The following CACNA2D1 variants were observed in gnomAD, a reference collection of about 807,000 sequenced individuals.
The protein encoded by CACNA2D1 is calcium voltage-gated channel auxiliary subunit alpha2delta 1, also known as voltage-dependent calcium channel subunit alpha-2/delta-1.
CACNA2D1 carries 53 observed loss-of-function variants against 171.5 expected under a neutral mutation model. That is an observed-to-expected ratio of 0.31 (90% CI 0.25 to 0.39). The LOEUF (loss-of-function observed/expected upper bound fraction) is 0.39. Among genes scored for constraint, CACNA2D1 ranks in the 10% least tolerant of loss-of-function variants. The pLI is 1.00. For missense variants in CACNA2D1, 903 were observed against 1,299.8 expected, an observed-to-expected ratio of 0.69 and a Z score of 4.69; for synonymous variants, 442 against 443.1, an observed-to-expected ratio of 1.00 and a Z score of 0.03.
rs117021153 is a variant in CACNA2D1, at chr7:82,086,867, C to G, written c.527-1967G>C. On this transcript the variant is annotated intron_variant, in intron 6 of 38. Transcript: ENST00000356860. ...CTACTAAGTATTGGGTACTGACACACTGATTGTGAATTATACTTTTATAAA... is the reference window on the plus strand; with the variant it reads ...CTACTAAGTATTGGGTACTGACACAGTGATTGTGAATTATACTTTTATAAA... 1.6e-3 allele frequency among the ~76,000 whole-genome samples: 249 copies of G among 152,206 alleles called. 3 individuals carry two copies. In the East Asian group the frequency reaches 0.019, roughly 11 times the overall value.
chr7:82,332,024 T>A (rs1031979304), intron 3 of CACNA2D1, among the ~76,000 whole-genome samples: 1 of 152,202 alleles, frequency 6.6e-6, no homozygotes, highest in Non-Finnish European at 1.5e-5. Context: ...TTTATCTTCC[T>A]ATGAATTACT....
chr7:81,979,502 T>C (rs1796228792), intron 24 of CACNA2D1, among the ~76,000 whole-genome samples: 1 of 152,196 alleles, frequency 6.6e-6, no homozygotes, highest in African/African-American at 2.4e-5. Context: ...CATAATCTGC[T>C]ACTTAATAAC....
At chr7:82,009,606 C>T (rs1799520488) in intron 15 of CACNA2D1, among the ~76,000 whole-genome samples, 1 of 151,974 alleles carries the variant, frequency 6.6e-6, no homozygotes. Flanking sequence ...TAATCATTTC[C>T]TTTGCATTAC....
At chr7:82,040,941 C>T (rs1371479275) in intron 10 of CACNA2D1, among the ~76,000 whole-genome samples, 2 of 152,042 alleles carry the variant, frequency 1.3e-5, no homozygotes, top group Non-Finnish European at 2.9e-5. Flanking sequence ...CGCCATTGCA[C>T]TCCAGCCTGG....
At chr7:82,106,659 C>A (rs576543063) in intron 6 of CACNA2D1, among the ~76,000 whole-genome samples, 1 of 152,052 alleles carries the variant, frequency 6.6e-6, no homozygotes, top group Middle Eastern at 3.4e-3. Context: ...ACAATATTTT[C>A]TTTAAACATT....
chr7:81,986,782 C>T (rs985142739), intron 21 of CACNA2D1, among the ~76,000 whole-genome samples: 2 of 152,128 alleles, frequency 1.3e-5, no homozygotes, highest in Middle Eastern at 3.4e-3. Flanking sequence ...TAAGTGGAGG[C>T]AGAGATTAAA....
chr7:82,240,508 CA>C (rs2129294104), intron 3 of CACNA2D1, among the ~76,000 whole-genome samples: 1 of 152,118 alleles, frequency 6.6e-6, no homozygotes, highest in Admixed American at 6.6e-5. Flanking sequence ...TTTAAAATCT[CA>C]AAGTTTAGAG....
At chr7:82,220,272 TA>T (rs1290131490) in intron 3 of CACNA2D1, among the ~76,000 whole-genome samples, 1 of 152,222 alleles carries the variant, frequency 6.6e-6, no homozygotes, top group African/African-American at 2.4e-5. Flanking sequence ...TGACGGTAAT[TA>T]TTTTTTTTAA....
At position 82,005,818 on chromosome 7, in the gene CACNA2D1, T is replaced by C. The variant is rs1799062772; in HGVS notation, c.1462A>G (p.Met488Val). ...NLKNQLILGV[M>V]GVDVSLEDIK... ...TCTTCCAAAGACACATCTACTCCCA[T>C]CACACCAAGAATCAGCTGGTTCTAT... The change falls in exon 17 of 39, where the codon ATG (methionine) becomes GTG (valine). Residue 488 changes from methionine to valine, a missense_variant. Coordinates refer to ENST00000356860, the MANE Select transcript of CACNA2D1 (RefSeq NM_000722.4). 3.7e-6 allele frequency: 6 copies of C among 1,606,412 alleles called. No individual in the cohort carries two copies. The highest frequency in any genetic ancestry group is 1.7e-4 in the Middle Eastern group (1 of 6,056).
At chr7:82,406,805 A>G (rs897535571) in intron 1 of CACNA2D1, among the ~76,000 whole-genome samples, 7 of 151,806 alleles carry the variant, frequency 4.6e-5, no homozygotes, top group Admixed American at 4.6e-4. Flanking sequence ...TTTTGGGGAC[A>G]AGTCTTTATC....
chr7:82,378,579 G>T (rs1316516153), intron 1 of CACNA2D1, among the ~76,000 whole-genome samples: 1 of 151,906 alleles, frequency 6.6e-6, no homozygotes, highest in East Asian at 1.9e-4. Flanking sequence ...TATAATTTTT[G>T]TGCATTACAG....
intron 1 of CACNA2D1, among the ~76,000 whole-genome samples, chr7:82,358,792 T>C (rs1820753835): frequency 6.6e-6 from 1 of 152,116 alleles, no homozygotes; most frequent in Admixed American, 6.6e-5. Context: ...GTTCATAAGA[T>C]CTTCTTTTCA....
intron 38 of CACNA2D1, among the ~76,000 whole-genome samples, chr7:81,952,039 G>T (rs1202735383): frequency 2.1e-5 from 3 of 142,254 alleles, no homozygotes; most frequent in African/African-American, 8.0e-5. Context: ...CAGGAGTAAG[G>T]TGGTATCACA....
chr7:82,260,367 T>C (rs140386397), intron 3 of CACNA2D1, among the ~76,000 whole-genome samples: 2 of 152,306 alleles, frequency 1.3e-5, no homozygotes, highest in East Asian at 3.9e-4. Flanking sequence ...ACAAGTACTT[T>C]TTCCATAAGA....
rs191104182 is a variant in CACNA2D1, at chr7:81,977,266, G to A, written c.1956-2714C>T. 1.7e-3 allele frequency among the ~76,000 whole-genome samples: 263 copies of A among 152,242 alleles called. 1 individual carries two copies. Among genetic ancestry groups the A allele is most frequent in the African/African-American group, 6.0e-3 (250 of 41,540 alleles). On this transcript the variant is annotated intron_variant, in intron 24 of 38. Transcript: ENST00000356860. ...TTATGAGTTTTTAGCATGAAGGGGT[G>A]CTGAATTTCGTCGAAGGCCTTTTCT... is the stretch of plus-strand genomic sequence containing the variant.
Position 82,349,563 on chromosome 7 carries a change from C to T in CACNA2D1, c.177+5G>A. 1 of 1,609,982 alleles carries T rather than the reference C, an allele frequency of 6.2e-7. No homozygotes were observed. Among genetic ancestry groups the T allele is most frequent in the Non-Finnish European group, 8.5e-7 (1 of 1,176,262 alleles). ...TAAGAAATCTCTTTGGTGGATTTTA[C>T]TCACATCAACAAGCTGATTGACTCC... On this transcript the variant is annotated splice_donor_5th_base_variant and intron_variant, in intron 2 of 38. Coordinates refer to ENST00000356860, the MANE Select transcript of CACNA2D1 (RefSeq NM_000722.4).
At chr7:81,960,942 C>T (rs912633035) in intron 36 of CACNA2D1, among the ~76,000 whole-genome samples, 3 of 151,982 alleles carry the variant, frequency 2.0e-5, no homozygotes, top group Non-Finnish European at 4.4e-5. Context: ...CTACCTCCTC[C>T]TTGGAGATAG....
chr7:82,397,425 T>C (rs1825857849), intron 1 of CACNA2D1, among the ~76,000 whole-genome samples: 1 of 152,200 alleles, frequency 6.6e-6, no homozygotes, highest in Non-Finnish European at 1.5e-5. Flanking sequence ...TTTTTTTTCT[T>C]TGAATATACT....
intron 3 of CACNA2D1, among the ~76,000 whole-genome samples, chr7:82,254,078 A>C (rs1805984350): frequency 6.6e-6 from 1 of 152,174 alleles, no homozygotes; most frequent in African/African-American, 2.4e-5. Context: ...CTACATACTA[A>C]ATAGGGTGCC....
Sources: gnomAD v4.1 joint callset for allele counts (sites outside exome capture counted in the v4.1 genomes callset) on GRCh38, gnomAD v4.1.1 for gene constraint, MANE v1.5 for transcripts, NCBI Gene and HGNC (gene_info 2026-07-23, HGNC 2026-07-21) for gene names.